The following TAFA1 variants were observed in gnomAD, a reference collection of about 807,000 sequenced individuals.
The protein encoded by TAFA1 is chemokine-like protein TAFA-1.
TAFA1 carries 4 observed loss-of-function variants against 18.5 expected under a neutral mutation model. The ratio of observed to expected loss-of-function variants is 0.22; its 90% CI spans 0.11 to 0.49. The LOEUF is 0.49. Among genes scored for constraint, TAFA1 ranks in the 20% least tolerant of loss-of-function variants. The pLI, the probability that TAFA1 is intolerant of heterozygous loss-of-function variation, is 0.98. For synonymous variants in TAFA1, 56 were observed against 55.2 expected (o/e 1.01, Z -0.06); for missense variants, 147 against 169.0 (o/e 0.87, Z 0.72).
chr3:68,083,868 T>C (rs1055469164), intron 2 of TAFA1, among the ~76,000 whole-genome samples: 1 of 152,220 alleles, frequency 6.6e-6, no homozygotes, highest in Non-Finnish European at 1.5e-5. Flanking sequence ...ATTCTCCACA[T>C]ATCTTGTTAG....
chr3:68,057,755 C>T (rs996108752), intron 2 of TAFA1, among the ~76,000 whole-genome samples: 1 of 152,112 alleles, frequency 6.6e-6, no homozygotes, highest in African/African-American at 2.4e-5. Flanking sequence ...AAGATACAGC[C>T]TCCAGTGAGA....
chr3:68,017,218 T>C (rs2106789090), intron 2 of TAFA1, among the ~76,000 whole-genome samples: 1 of 152,374 alleles, frequency 6.6e-6, no homozygotes, highest in South Asian at 2.1e-4. Flanking sequence ...GAATTGGTTT[T>C]GTAGCTTTTT....
intron 2 of TAFA1, among the ~76,000 whole-genome samples, chr3:68,134,376 C>T (rs2065581408): frequency 6.6e-6 from 1 of 151,856 alleles, no homozygotes; most frequent in South Asian, 2.1e-4. Flanking sequence ...TGTGTGTATA[C>T]ATATTATATA....
intron 2 of TAFA1, among the ~76,000 whole-genome samples, chr3:68,271,851 C>A (rs1239919943): frequency 2.0e-5 from 3 of 149,344 alleles, no homozygotes; most frequent in African/African-American, 5.0e-5. Context: ...CACACACACA[C>A]ACACACACAT....
chr3:68,038,033 G>T (rs928747730), intron 2 of TAFA1, among the ~76,000 whole-genome samples: 1 of 152,260 alleles, frequency 6.6e-6, no homozygotes, highest in African/African-American at 2.4e-5. Context: ...TATTATAAAT[G>T]ATTCTCTGCT....
rs1000443800 is a variant in TAFA1 at position 68,545,222 on chromosome 3, A to T, written c.*719A>T. On this transcript the variant is annotated 3_prime_UTR_variant, in exon 5 of 5. Coordinates refer to ENST00000478136, the MANE Select transcript of TAFA1 (RefSeq NM_213609.4). ...TAACCGTTCTAACCTCTTCCAGGAA[A>T]ATATTTTTAGAACTACTAGCTTTTC... 2.0e-5 allele frequency: 3 copies of T among 152,712 alleles called. No homozygotes were observed. Among genetic ancestry groups the T allele is most frequent in the Admixed American group, 2.0e-4 (3 of 15,276 alleles). The allele number at this position is 152,712 out of a possible 1,614,324, so 9.5% of individuals were successfully genotyped here. A position where few individuals can be genotyped will look rare whatever the true frequency, so the allele number is the denominator to read the frequency against.
rs144705641 is a variant in TAFA1, at chr3:68,226,322, A to G, written c.119-190958A>G. ...TATTAACAAAGGGAGAGAAACAACC[A>G]TATTATCACAATCATAGGTTTTCCA... On this transcript the variant is annotated intron_variant, in intron 2 of 4. Transcript: ENST00000478136. Among the ~76,000 whole-genome samples, 724 of 152,366 alleles carry G rather than the reference A, an allele frequency of 4.8e-3. 6 individuals are homozygous for G. The highest frequency in any genetic ancestry group is 7.8e-3 in the Non-Finnish European group (531 of 68,028).
At chr3:68,078,179 G>A (rs2064851181) in intron 2 of TAFA1, among the ~76,000 whole-genome samples, 1 of 152,206 alleles carries the variant, frequency 6.6e-6, no homozygotes, top group Admixed American at 6.5e-5. Context: ...AGACTCTGCT[G>A]AAGTTCCTTA....
intron 2 of TAFA1, among the ~76,000 whole-genome samples, chr3:68,173,484 C>T (rs1351412681): frequency 6.6e-6 from 1 of 152,090 alleles, no homozygotes. Context: ...GATGAAATGT[C>T]AGTGATACAG....
intron 3 of TAFA1, among the ~76,000 whole-genome samples, chr3:68,536,177 A>C (rs554039077): frequency 6.6e-6 from 1 of 152,336 alleles, no homozygotes; most frequent in African/African-American, 2.4e-5. Flanking sequence ...ATTCTAAAGA[A>C]GGGGAAGACT....
chr3:68,201,111 T>C (rs2066465177), intron 2 of TAFA1, among the ~76,000 whole-genome samples: 1 of 151,672 alleles, frequency 6.6e-6, no homozygotes, highest in African/African-American at 2.4e-5. Context: ...ATTTTAAAAT[T>C]TATCTTGAGA....
At chr3:68,479,007 T>TGGATCACGAGGTCAAGA (rs1320661661) in intron 3 of TAFA1, among the ~76,000 whole-genome samples, 1 of 150,218 alleles carries the variant, frequency 6.7e-6, no homozygotes, top group Non-Finnish European at 1.5e-5. Context: ...CCGAGGCAAG[T>TGGATCACGAGGTCAAGA]GGATCACGAG....
chr3:68,326,410 T>C (rs942811420), intron 2 of TAFA1, among the ~76,000 whole-genome samples: 4 of 152,192 alleles, frequency 2.6e-5, no homozygotes, highest in African/African-American at 9.6e-5. Context: ...ATAAGCACCA[T>C]TGGGAAATTG....
intron 2 of TAFA1, among the ~76,000 whole-genome samples, chr3:68,039,173 A>G (rs1224645531): frequency 6.6e-6 from 1 of 152,224 alleles, no homozygotes; most frequent in Non-Finnish European, 1.5e-5. Flanking sequence ...TATTCTCTGA[A>G]TATAGCATAA....
intron 2 of TAFA1, among the ~76,000 whole-genome samples, chr3:68,066,419 C>T (rs1179373718): frequency 6.6e-6 from 1 of 152,160 alleles, no homozygotes. Flanking sequence ...GGCATATACA[C>T]CTCTCTGTAG....
intron 2 of TAFA1, among the ~76,000 whole-genome samples, chr3:68,050,041 G>A (rs1460265252): frequency 1.3e-5 from 2 of 152,062 alleles, no homozygotes; most frequent in Non-Finnish European, 2.9e-5. Flanking sequence ...CTTTGTGCAG[G>A]TTACATAACC....
chr3:68,037,159 G>A (rs1357320597), intron 2 of TAFA1, among the ~76,000 whole-genome samples: 2 of 152,192 alleles, frequency 1.3e-5, no homozygotes, highest in African/African-American at 2.4e-5. Flanking sequence ...TCCAGGCAGA[G>A]AAGGGTAGGA....
chr3:68,447,906 C>A (rs540478285), intron 3 of TAFA1, among the ~76,000 whole-genome samples: 1 of 152,184 alleles, frequency 6.6e-6, no homozygotes, highest in Non-Finnish European at 1.5e-5. Context: ...GATCTAAACA[C>A]TTTATTAAGT....
chr3:68,137,367 A>G (rs2065621306), intron 2 of TAFA1, among the ~76,000 whole-genome samples: 1 of 152,130 alleles, frequency 6.6e-6, no homozygotes. Flanking sequence ...TTTCTTAAAT[A>G]ATTTATCCCA....
Sources: gnomAD v4.1 joint callset for allele counts (sites outside exome capture counted in the v4.1 genomes callset) on GRCh38, gnomAD v4.1.1 for gene constraint, MANE v1.5 for transcripts, NCBI Gene and HGNC (gene_info 2026-07-23, HGNC 2026-07-21) for gene names.